Variants in MND1 observed in about 807,000 individuals in gnomAD.
The protein encoded by MND1 is meiotic nuclear divisions 1, also known as meiotic nuclear division protein 1 homolog.
A neutral mutation model predicts 35.1 loss-of-function variants in MND1; 28 were observed. That is an observed-to-expected ratio of 0.80 (90% CI 0.59 to 1.09). The LOEUF (loss-of-function observed/expected upper bound fraction) is 1.09. Among genes scored for constraint, MND1 ranks in the 50% least tolerant of loss-of-function variants. MND1 has a pLI of 0.00. For missense variants in MND1, 213 were observed against 239.6 expected (o/e 0.89, Z 0.73); for synonymous variants, 69 against 70.5 (o/e 0.98, Z 0.11).
chr4:153,364,004 TG>T (rs1365202225), intron 4 of MND1, among the ~76,000 whole-genome samples: 2 of 152,180 alleles, frequency 1.3e-5, no homozygotes, highest in Non-Finnish European at 2.9e-5. Context: ...GAGGTCGAAG[TG>T]GGAGGATCAC....
At chr4:153,347,331 G>T (rs1305413195) in intron 1 of MND1, among the ~76,000 whole-genome samples, 2 of 152,158 alleles carry the variant, frequency 1.3e-5, no homozygotes, top group Non-Finnish European at 2.9e-5. Flanking sequence ...GCCTAACTGA[G>T]ATTTCTCTGA....
chr4:153,352,363 A>G (rs1773236560), intron 2 of MND1, among the ~76,000 whole-genome samples: 2 of 152,160 alleles, frequency 1.3e-5, no homozygotes, highest in South Asian at 4.1e-4. Flanking sequence ...GCACTTAGGA[A>G]GAACATGAGA....
At chr4:153,352,746 TA>T (rs56770218) in intron 2 of MND1, among the ~76,000 whole-genome samples, 58,305 of 114,544 alleles carry the variant, frequency 0.51, 16,282 homozygotes, top group East Asian at 0.7. Flanking sequence ...GACCCTATCT[TA>T]AAAAAAAAAA....
intron 4 of MND1, among the ~76,000 whole-genome samples, chr4:153,392,080 TTTG>T (rs752909571): frequency 3.3e-5 from 5 of 151,208 alleles, no homozygotes; most frequent in Non-Finnish European, 7.4e-5. Context: ...CAGTTAGGTT[TTTG>T]TTGTTTTTTT....
In MND1 at chr4:153,397,255, C is replaced by A; in HGVS notation, c.388C>A (p.Leu130Ile). Reference sequence around the variant, plus strand: ...CAGGCTAGCAAAAGAGCTTTCTTCACTTCGAGACCAAAGGGAACAGCTAAA... The same window carrying A: ...CAGGCTAGCAAAAGAGCTTTCTTCAATTCGAGACCAAAGGGAACAGCTAAA... Reference protein sequence around the residue: ...RTRLAKELSSLRDQREQLKAE... With the variant: ...RTRLAKELSSIRDQREQLKAE... Residue 130 changes from leucine (L) to isoleucine (I), a missense_variant, in exon 6 of 8, where the codon CTT (leucine) becomes ATT (isoleucine). Physicochemically the swap from Leu to Ile is conservative, Grantham distance 5. Transcript: ENST00000240488. The A allele has an allele frequency of 1.2e-6, 2 of 1,612,680 alleles. No homozygotes were observed. The highest frequency in any genetic ancestry group is 2.2e-5 in the South Asian group (2 of 90,832).
intron 4 of MND1, among the ~76,000 whole-genome samples, chr4:153,370,354 T>C (rs1269505045): frequency 6.6e-6 from 1 of 152,082 alleles, no homozygotes; most frequent in African/African-American, 2.4e-5. Flanking sequence ...ATCTTTATTC[T>C]CTGCTTCTCC....
At chr4:153,405,854 G>T (rs995797589) in intron 6 of MND1, among the ~76,000 whole-genome samples, 1 of 152,080 alleles carries the variant, frequency 6.6e-6, no homozygotes, top group Non-Finnish European at 1.5e-5. Context: ...ACCCAGGCTG[G>T]AGTACAGTGG....
intron 4 of MND1, among the ~76,000 whole-genome samples, chr4:153,378,550 A>G (rs1395069953): frequency 6.6e-6 from 1 of 152,214 alleles, no homozygotes; most frequent in Non-Finnish European, 1.5e-5. Context: ...ATCTCATTCA[A>G]CCCATTTTTA....
At chr4:153,397,179 T>G in intron 5 of MND1, 40 bp from the exon 6 acceptor site, 2 of 1,395,698 alleles carry the variant, frequency 1.4e-6, no homozygotes, top group Admixed American at 2.1e-5. Context: ...ATATAGAATT[T>G]TGTTTGTCTT....
At chr4:153,392,341 G>A (rs972056831) in intron 4 of MND1, among the ~76,000 whole-genome samples, 2 of 152,052 alleles carry the variant, frequency 1.3e-5, no homozygotes, top group Non-Finnish European at 2.9e-5. Context: ...TCCTGACCTC[G>A]TGATCGGCCC....
At chr4:153,392,074 T>C (rs534398717) in intron 4 of MND1, among the ~76,000 whole-genome samples, 4 of 151,768 alleles carry the variant, frequency 2.6e-5, no homozygotes, top group African/African-American at 2.4e-5. Flanking sequence ...TGTGAACAGT[T>C]AGGTTTTTGT....
At chr4:153,345,347 C>T in intron 1 of MND1, 1 of 985,468 alleles carries the variant, frequency 1.0e-6, no homozygotes, top group South Asian at 4.7e-5. Context: ...CACTGTGTGC[C>T]AATTAGTCGA....
At position 153,408,956 on chromosome 4, in the gene MND1, A is replaced by G. The variant is rs769043413; in HGVS notation, c.467-15A>G. ...TATAAATACATTTCATTTTATATAT[A>G]TAATTTTTTTTCAGGCCAAGCAAAT... On this transcript the variant is annotated splice_polypyrimidine_tract_variant and intron_variant, in intron 6 of 7. Coordinates refer to ENST00000240488, the MANE Select transcript of MND1 (RefSeq NM_032117.4). The G allele has an allele frequency of 1.7e-6, 2 of 1,150,354 alleles. No individual in the cohort carries two copies. The highest frequency in any genetic ancestry group is 7.2e-5 in the East Asian group (2 of 27,866). The allele number at this position is 1,150,354 out of a possible 1,614,324, so 71.3% of individuals were successfully genotyped here.
intron 4 of MND1, among the ~76,000 whole-genome samples, chr4:153,393,963 C>G (rs1270956993): frequency 9.1e-5 from 9 of 98,488 alleles, no homozygotes; most frequent in Admixed American, 7.8e-4. Context: ...TGGGGTCTTG[C>G]TCTGTCGCCA....
At chr4:153,384,443 A>AT (rs561004288) in intron 4 of MND1, among the ~76,000 whole-genome samples, 3,982 of 63,054 alleles carry the variant, frequency 0.063, 616 homozygotes, top group Non-Finnish European at 0.092. Flanking sequence ...CTAATGTTTA[A>AT]TTTTTTTTTT....
chr4:153,345,835 T>C (rs894030230), intron 1 of MND1, among the ~76,000 whole-genome samples: 3 of 152,254 alleles, frequency 2.0e-5, no homozygotes, highest in Admixed American at 6.5e-5. Context: ...CAAACAGGAC[T>C]ACAGTTAAAA....
chr4:153,399,120 A>C (rs1729277315), intron 6 of MND1, among the ~76,000 whole-genome samples: 1 of 152,026 alleles, frequency 6.6e-6, no homozygotes, highest in South Asian at 2.1e-4. Flanking sequence ...CGGACCCTTC[A>C]TTTACTCTTA....
chr4:153,409,033 G>T lies in MND1; in HGVS notation c.511+18G>T. On this transcript the variant is annotated intron_variant, in intron 7 of 7. Transcript: ENST00000240488. Reference sequence around the variant, plus strand: ...ATGGACTGGTATGTACTATAATAATGCTGATAAACTATAGCTAAATTCCCT... The same window carrying T: ...ATGGACTGGTATGTACTATAATAATTCTGATAAACTATAGCTAAATTCCCT... 7.5e-7 allele frequency: 1 copy of T among 1,336,798 alleles called. No homozygotes were observed. Among genetic ancestry groups the T allele is most frequent in the South Asian group, 2.2e-5 (1 of 45,476 alleles). The allele number at this position is 1,336,798 out of a possible 1,614,324, so 82.8% of individuals were successfully genotyped here. A position where few individuals can be genotyped will look rare whatever the true frequency, so the allele number is the denominator to read the frequency against.
intron 4 of MND1, among the ~76,000 whole-genome samples, chr4:153,366,335 A>T (rs1006111651): frequency 6.6e-6 from 1 of 152,180 alleles, no homozygotes. Context: ...GGGACCTCCT[A>T]TCTTTGGGGG....
Sources: allele counts gnomAD v4.1 joint callset (sites outside exome capture counted in the v4.1 genomes callset), GRCh38; gene constraint gnomAD v4.1.1; transcripts MANE v1.5; gene names NCBI Gene and HGNC (gene_info 2026-07-23, HGNC 2026-07-21).